Variants in PRKN observed in about 807,000 individuals in gnomAD.
PRKN encodes the protein E3 ubiquitin-protein ligase parkin.
In PRKN, 56 loss-of-function variants were observed where a neutral mutation model predicts 59.5. The ratio of observed to expected loss-of-function variants is 0.94; its 90% CI spans 0.76 to 1.18. PRKN has a LOEUF of 1.18. Ranked by LOEUF, PRKN falls within the 50% of genes most tolerant of loss-of-function variation. PRKN has a pLI of 0.00. For synonymous variants in PRKN, 250 were observed against 222.1 expected, an observed-to-expected ratio of 1.13 and a Z score of -1.12; for missense variants, 657 against 596.4, an observed-to-expected ratio of 1.10 and a Z score of -1.06.
chr6:161,386,951 A>T lies in PRKN; in HGVS notation c.1084-74T>A. 8.7e-7 allele frequency: 1 copy of T among 1,147,784 alleles called. No homozygotes were observed. 71.1% of individuals were successfully genotyped at this position (1,147,784 alleles called of 1,614,324 possible). On this transcript the variant is annotated intron_variant, in intron 9 of 11. Transcript: ENST00000366898. The surrounding 1 kb of genome is among the most constrained non-coding windows in gnomAD (Gnocchi z 4.3). ...GCAATAACACATTTTTCCTTTTCCA[A>T]ATTCATTATATTCATTCCTCTGGCT...
chr6:162,214,405 T>C (rs1406643771), intron 3 of PRKN, among the ~76,000 whole-genome samples: 2 of 152,104 alleles, frequency 1.3e-5, no homozygotes, highest in African/African-American at 4.8e-5. Flanking sequence ...CTCTGTGTAG[T>C]TGGGGATGGC....
intron 1 of PRKN, among the ~76,000 whole-genome samples, chr6:162,565,139 T>G (rs1780004880): frequency 1.3e-5 from 2 of 152,196 alleles, no homozygotes; most frequent in Non-Finnish European, 2.9e-5. Context: ...GGTATAGAGT[T>G]TTTATTAGTT....
chr6:162,347,002 T>C (rs1408293011), intron 2 of PRKN, among the ~76,000 whole-genome samples: 1 of 151,892 alleles, frequency 6.6e-6, no homozygotes, highest in Non-Finnish European at 1.5e-5. Flanking sequence ...ACTTTTTTAT[T>C]CCTAATATTA....
At chr6:161,929,329 C>T (rs180683140) in intron 6 of PRKN, among the ~76,000 whole-genome samples, 210 of 152,008 alleles carry the variant, frequency 1.4e-3, no homozygotes, top group African/African-American at 4.8e-3. Context: ...TAGAAAGTAG[C>T]TTAGTGATTG....
chr6:162,308,431 G>A (rs1482143011), intron 2 of PRKN, among the ~76,000 whole-genome samples: 2 of 152,132 alleles, frequency 1.3e-5, no homozygotes, highest in Non-Finnish European at 2.9e-5. Context: ...GGAAGCTTTA[G>A]ATAAGACACT....
intron 4 of PRKN, among the ~76,000 whole-genome samples, chr6:162,090,471 C>G (rs1045852950): frequency 3.9e-5 from 6 of 152,154 alleles, no homozygotes; most frequent in African/African-American, 1.2e-4. Context: ...GAAGAGGTCA[C>G]TGGTTCTGCT....
At chr6:161,450,800 C>G (rs2115121449) in intron 9 of PRKN, among the ~76,000 whole-genome samples, 1 of 152,280 alleles carries the variant, frequency 6.6e-6, no homozygotes, top group Non-Finnish European at 1.5e-5. Flanking sequence ...CGTGATCTGC[C>G]CACCCTGGCC....
chr6:161,937,905 C>T (rs140901638), intron 6 of PRKN, among the ~76,000 whole-genome samples: 1 of 152,072 alleles, frequency 6.6e-6, no homozygotes, highest in African/African-American at 2.4e-5. Context: ...TCTAAATGAT[C>T]CCTGATTTTT....
At chr6:161,680,086 A>G (rs1785260965) in intron 7 of PRKN, among the ~76,000 whole-genome samples, 2 of 152,126 alleles carry the variant, frequency 1.3e-5, no homozygotes, top group African/African-American at 4.8e-5. Flanking sequence ...GGACAATTCC[A>G]GTACAATTGG....
intron 9 of PRKN, among the ~76,000 whole-genome samples, chr6:161,418,951 A>G (rs1422304308): frequency 6.6e-6 from 1 of 152,228 alleles, no homozygotes; most frequent in Non-Finnish European, 1.5e-5. Flanking sequence ...TCAGAAAACA[A>G]TGTCTGGTGT....
At chr6:162,654,883 G>A (rs1033096902) in intron 1 of PRKN, among the ~76,000 whole-genome samples, 5 of 152,062 alleles carry the variant, frequency 3.3e-5, no homozygotes, top group African/African-American at 9.6e-5. Flanking sequence ...TAAGGATTAT[G>A]GGAACTACAA....
chr6:161,434,495 G>A (rs998205867), intron 9 of PRKN, among the ~76,000 whole-genome samples: 1 of 152,182 alleles, frequency 6.6e-6, no homozygotes, highest in Non-Finnish European at 1.5e-5. Flanking sequence ...ACTGGACTCC[G>A]ATTCCTCAGA....
At chr6:162,473,478 C>T (rs370523098) in intron 1 of PRKN, among the ~76,000 whole-genome samples, 36 of 152,022 alleles carry the variant, frequency 2.4e-4, no homozygotes, top group Admixed American at 3.9e-4. Flanking sequence ...AACAGTGCTG[C>T]CCAATAGAAG....
chr6:162,297,485 T>A (rs1781735739), intron 2 of PRKN, among the ~76,000 whole-genome samples: 1 of 152,116 alleles, frequency 6.6e-6, no homozygotes. Flanking sequence ...AGAACTTCTG[T>A]TTGAAGAGTG....
chr6:161,391,449 G>C lies in PRKN; in HGVS notation c.1084-4572C>G, dbSNP rs943729996. 6.8e-6 allele frequency among the ~76,000 whole-genome samples: 1 copy of C among 146,984 alleles called. No homozygotes were observed. The highest frequency in any genetic ancestry group is 2.5e-5 in the African/African-American group (1 of 40,016). On this transcript the variant is annotated intron_variant, in intron 9 of 11. Coordinates refer to ENST00000366898, the MANE Select transcript of PRKN (RefSeq NM_004562.3). This position sits in a 1 kb window ranked among gnomAD's most constrained non-coding sequence, Gnocchi z 4.9. ...TTCCGTAGAGTTGTTTTTTTTTTTCGAGAAATTTTAAATGTCTTTAAACAA... is the reference window on the plus strand; with the variant it reads ...TTCCGTAGAGTTGTTTTTTTTTTTCCAGAAATTTTAAATGTCTTTAAACAA...
chr6:162,452,284 G>A (rs1790663147), intron 1 of PRKN, among the ~76,000 whole-genome samples: 1 of 152,088 alleles, frequency 6.6e-6, no homozygotes, highest in South Asian at 2.1e-4. Flanking sequence ...AATGGTACAA[G>A]ACAGAGATTC....
intron 1 of PRKN, among the ~76,000 whole-genome samples, chr6:162,469,010 A>G (rs1170005612): frequency 6.6e-6 from 1 of 152,148 alleles, no homozygotes; most frequent in Non-Finnish European, 1.5e-5. Flanking sequence ...TGAATCCAAA[A>G]TACCAACTAC....
At chr6:162,611,943 T>G (rs189934098) in intron 1 of PRKN, among the ~76,000 whole-genome samples, 1 of 151,482 alleles carries the variant, frequency 6.6e-6, no homozygotes, top group Non-Finnish European at 1.5e-5. Flanking sequence ...CCCAGCACTT[T>G]GGGAGGCCAA....
chr6:162,483,904 TA>T (rs1792420175), intron 1 of PRKN, among the ~76,000 whole-genome samples: 1 of 152,230 alleles, frequency 6.6e-6, no homozygotes, highest in Admixed American at 6.5e-5. Context: ...CAAGTTAAGT[TA>T]AATACCTTGT....
Sources: allele counts gnomAD v4.1 joint callset (sites outside exome capture counted in the v4.1 genomes callset), GRCh38; gene constraint gnomAD v4.1.1; non-coding constraint Gnocchi (gnomAD v3.1); transcripts MANE v1.5; gene names NCBI Gene and HGNC (gene_info 2026-07-23, HGNC 2026-07-21).